The following DENND1A variants were observed in gnomAD, a reference collection of about 807,000 sequenced individuals.
DENND1A encodes the protein DENN domain-containing protein 1A.
In DENND1A, 51 loss-of-function variants were observed where a neutral mutation model predicts 113.7. That is an observed-to-expected ratio of 0.45 (90% CI 0.36 to 0.57). The LOEUF (loss-of-function observed/expected upper bound fraction) is 0.57, where lower values mean the gene tolerates loss of function less well. DENND1A is among the 20% of genes least tolerant of loss of function. The pLI, the probability that DENND1A is intolerant of heterozygous loss-of-function variation, is 0.00. For synonymous variants in DENND1A, 565 were observed against 570.8 expected (o/e 0.99, Z 0.14); for missense variants, 1,258 against 1,395.9 (o/e 0.90, Z 1.57).
chr9:123,849,034 C>T (rs1056586834), intron 2 of DENND1A, among the ~76,000 whole-genome samples: 18 of 152,204 alleles, frequency 1.2e-4, no homozygotes, highest in African/African-American at 4.3e-4. Context: ...CAAGGTGAAG[C>T]TGCAAATCCT....
At chr9:123,598,768 A>G (rs2059814504) in intron 11 of DENND1A, among the ~76,000 whole-genome samples, 2 of 152,114 alleles carry the variant, frequency 1.3e-5, no homozygotes, top group East Asian at 3.9e-4. Context: ...TCATAATTTA[A>G]CCCATTCGGT....
intron 3 of DENND1A, among the ~76,000 whole-genome samples, chr9:123,783,864 G>A (rs191987836): frequency 6.6e-6 from 1 of 152,296 alleles, no homozygotes; most frequent in Non-Finnish European, 1.5e-5. Flanking sequence ...TTCTACATTT[G>A]AAGCGTTCAC....
At position 123,583,220 on chromosome 9, in the gene DENND1A, G is replaced by C; in HGVS notation, c.816C>G (p.Thr272=). Reference sequence around the variant, plus strand: ...CATCGAAGGGGGTTTCCAGGGTGTTGGTGTCCACATTCAGGATCACGACAT... The same window carrying C: ...CATCGAAGGGGGTTTCCAGGGTGTTCGTGTCCACATTCAGGATCACGACAT... ...LDDVVILNVD[T]NTLETPFDDL... is the part of the protein sequence containing the mutation. Residue 272 remains threonine, a synonymous_variant, in exon 12 of 24, where the codon ACC becomes ACG. Coordinates refer to ENST00000394215, the MANE Select transcript of DENND1A (RefSeq NM_001352964.2). 6.2e-7 allele frequency: 1 copy of C among 1,612,884 alleles called. No individual in the cohort carries two copies. Among genetic ancestry groups the C allele is most frequent in the Non-Finnish European group, 8.5e-7 (1 of 1,179,424 alleles).
intron 10 of DENND1A, among the ~76,000 whole-genome samples, chr9:123,618,581 G>C (rs2060776932): frequency 6.6e-6 from 1 of 152,202 alleles, no homozygotes; most frequent in South Asian, 2.1e-4. Context: ...GGGAGCGGCA[G>C]GGCAGGTCCA....
intron 5 of DENND1A, among the ~76,000 whole-genome samples, chr9:123,692,597 G>T (rs904472871): frequency 6.6e-6 from 1 of 152,180 alleles, no homozygotes; most frequent in African/African-American, 2.4e-5. Flanking sequence ...AAGGAACAGC[G>T]TATATTATTC....
chr9:123,571,709 G>C (rs1438597587), intron 12 of DENND1A, among the ~76,000 whole-genome samples: 1 of 152,210 alleles, frequency 6.6e-6, no homozygotes, highest in Non-Finnish European at 1.5e-5. Flanking sequence ...CCATTTGATA[G>C]ACATTTCGGT....
At chr9:123,565,699 C>T (rs2058018528) in intron 12 of DENND1A, among the ~76,000 whole-genome samples, 1 of 152,162 alleles carries the variant, frequency 6.6e-6, no homozygotes, top group Non-Finnish European at 1.5e-5. Flanking sequence ...CTCAGGGGCA[C>T]AAAAACATTG....
Position 123,688,550 on chromosome 9 carries a change from G to A in DENND1A, c.303-11761C>T, listed in dbSNP as rs191170753. ...GATAGAGGCAACAGGCGCAGAGCTT[G>A]GAAAATGTGGTAAGTAATGGTTGGG... On this transcript the variant is annotated intron_variant, in intron 5 of 23. Coordinates refer to ENST00000394215, the MANE Select transcript of DENND1A (RefSeq NM_001352964.2). Among the ~76,000 whole-genome samples, 65 of 152,282 alleles carry A rather than the reference G, an allele frequency of 4.3e-4. 1 individual carries two copies. Among genetic ancestry groups the A allele is most frequent in the Non-Finnish European group, 7.4e-5 (5 of 68,020 alleles).
intron 21 of DENND1A, among the ~76,000 whole-genome samples, chr9:123,392,045 C>T (rs539550730): frequency 6.6e-6 from 1 of 152,312 alleles, no homozygotes; most frequent in Admixed American, 6.5e-5. Flanking sequence ...ACTTCCCGAA[C>T]CCCTTCTAAT....
intron 11 of DENND1A, among the ~76,000 whole-genome samples, chr9:123,587,549 A>G (rs1379921998): frequency 1.3e-5 from 2 of 152,182 alleles, no homozygotes; most frequent in East Asian, 3.9e-4. Flanking sequence ...GCCCTATCTT[A>G]TCCATATGGA....
At chr9:123,511,667 T>C (rs185925971) in intron 13 of DENND1A, among the ~76,000 whole-genome samples, 314 of 152,314 alleles carry the variant, frequency 2.1e-3, no homozygotes, top group Non-Finnish European at 3.0e-3. Flanking sequence ...GTTTCTCCCA[T>C]TGAAAAACGT....
intron 4 of DENND1A, among the ~76,000 whole-genome samples, chr9:123,767,373 A>G (rs994915316): frequency 6.6e-6 from 1 of 152,082 alleles, no homozygotes; most frequent in African/African-American, 2.4e-5. Flanking sequence ...GAAATATTCA[A>G]AAAGAAACAT....
At chr9:123,910,980 A>G (rs1392186067) in intron 1 of DENND1A, among the ~76,000 whole-genome samples, 6 of 152,158 alleles carry the variant, frequency 3.9e-5, no homozygotes, top group Admixed American at 3.9e-4. Flanking sequence ...TAAGTGTAAA[A>G]AGGCAAGCTG....
At chr9:123,523,438 G>A (rs560568029) in intron 13 of DENND1A, among the ~76,000 whole-genome samples, 40 of 152,278 alleles carry the variant, frequency 2.6e-4, no homozygotes, top group African/African-American at 8.4e-4. Flanking sequence ...CAGATAATAC[G>A]TTACAGAGTT....
At chr9:123,443,867 G>A (rs1005391190) in intron 18 of DENND1A, among the ~76,000 whole-genome samples, 2 of 152,072 alleles carry the variant, frequency 1.3e-5, no homozygotes, top group African/African-American at 2.4e-5. Flanking sequence ...GAAATGGGAG[G>A]ATCACCAGAG....
chr9:123,621,445 C>A (rs2060960591), intron 10 of DENND1A, among the ~76,000 whole-genome samples: 1 of 152,170 alleles, frequency 6.6e-6, no homozygotes, highest in Non-Finnish European at 1.5e-5. Flanking sequence ...CTTGGCCTCC[C>A]AAAGTGCTGG....
At chr9:123,834,201 TCCTCCA>T (rs1290447262) in intron 2 of DENND1A, among the ~76,000 whole-genome samples, 2 of 152,182 alleles carry the variant, frequency 1.3e-5, no homozygotes, top group Admixed American at 1.3e-4. Flanking sequence ...GGAATCTACC[TCCTCCA>T]CAATTCAGCA....
chr9:123,621,201 T>TC (rs1322381489), intron 10 of DENND1A, among the ~76,000 whole-genome samples: 1 of 150,668 alleles, frequency 6.6e-6, no homozygotes, highest in Non-Finnish European at 1.5e-5. Context: ...TTTTTTTTTT[T>TC]CCAAGACAGG....
intron 2 of DENND1A, among the ~76,000 whole-genome samples, chr9:123,800,701 C>T (rs1213790849): frequency 6.6e-6 from 1 of 152,140 alleles, no homozygotes. Context: ...TATTTATAGT[C>T]CTCTGCCAAG....
Sources: gnomAD v4.1 joint callset for allele counts (sites outside exome capture counted in the v4.1 genomes callset) on GRCh38, gnomAD v4.1.1 for gene constraint, MANE v1.5 for transcripts, NCBI Gene and HGNC (gene_info 2026-07-23, HGNC 2026-07-21) for gene names.